Variants in TMEM184A observed in about 807,000 individuals in gnomAD.
TMEM184A encodes the protein sexually dimorphic, expressed in male gonads 1.
A neutral mutation model predicts 39.5 loss-of-function variants in TMEM184A; 40 were observed. That is an observed-to-expected ratio of 1.01 (90% CI 0.79 to 1.32). The LOEUF is 1.32. Among genes scored for constraint, TMEM184A ranks in the 40% most tolerant of loss-of-function variants. TMEM184A has a pLI of 0.00. For missense variants in TMEM184A, 603 were observed against 568.8 expected (o/e 1.06, Z -0.61); for synonymous variants, 280 against 252.3 (o/e 1.11, Z -1.04).
At chr7:1,554,408 C>G (rs1778464565) in intron 2 of TMEM184A, among the ~76,000 whole-genome samples, 1 of 152,208 alleles carries the variant, frequency 6.6e-6, no homozygotes, top group Admixed American at 6.5e-5. Context: ...CCCTCCACAG[C>G]CTTCCTGGGC....
intron 6 of TMEM184A, chr7:1,549,525 C>T (rs1201039786): frequency 2.0e-6 from 1 of 498,892 alleles, no homozygotes; most frequent in South Asian, 1.5e-5. Context: ...GGCGCAGATG[C>T]TGGCACAGAC....
chr7:1,552,556 G>A (rs1784645684), intron 2 of TMEM184A, among the ~76,000 whole-genome samples: 1 of 149,784 alleles, frequency 6.7e-6, no homozygotes, highest in South Asian at 2.1e-4. Context: ...ATGAGTGAGG[G>A]TCCTGTTTGT....
Position 1,556,141 on chromosome 7 carries a change from G to GTCCAGGGAGGCCTGGCC in TMEM184A, c.-45_-29dup, listed in dbSNP as rs1402211972. ...TTGCTGGCAGGAAGCACCTGGCCCA[G>GTCCAGGGAGGCCTGGCC]TCCAGGGAGGCCTGGCCTCCAGGGA... is the stretch of plus-strand genomic sequence containing the variant. On this transcript the variant is annotated 5_prime_UTR_variant, in exon 1 of 9. Transcript: ENST00000297477. The GTCCAGGGAGGCCTGGCC allele has an allele frequency of 6.5e-6, 1 of 152,996 alleles. No homozygotes were observed. Among genetic ancestry groups the GTCCAGGGAGGCCTGGCC allele is most frequent in the African/African-American group, 2.4e-5 (1 of 41,472 alleles). 9.5% of individuals were successfully genotyped at this position (152,996 alleles called of 1,614,324 possible).
chr7:1,550,766 C>A (rs1314991573), intron 3 of TMEM184A, 51 bp downstream of exon 3: 22 of 1,600,846 alleles, frequency 1.4e-5, no homozygotes, highest in Non-Finnish European at 1.8e-5. Flanking sequence ...CACGCAGGCC[C>A]CGGGGAGTCT....
At position 1,551,305 on chromosome 7, in the gene TMEM184A, T is replaced by C. The variant is rs867276806; in HGVS notation, c.220-323A>G. ...GGTTCGGGTGAGAGCCAGGTCCGCC[T>C]GGTACCCCTGCACAAGCCCAGGTGA... On this transcript the variant is annotated intron_variant, in intron 2 of 8. Transcript: ENST00000297477. 2.2e-3 allele frequency among the ~76,000 whole-genome samples: 94 copies of C among 43,404 alleles called. 5 individuals carry two copies. The highest frequency in any genetic ancestry group is 8.8e-3 in the African/African-American group (88 of 9,972). The allele number at this position is 43,404 out of a possible 152,430, so 28.5% of individuals were successfully genotyped here.
At chr7:1,549,668 T>C in intron 6 of TMEM184A, 186 bp downstream of exon 6, 2 of 703,422 alleles carry the variant, frequency 2.8e-6, no homozygotes, top group Non-Finnish European at 2.6e-6. Context: ...ACGCCAGGCC[T>C]GCCTTGTTGG....
chr7:1,555,184 AC>A lies in TMEM184A; in HGVS notation c.219+81del. 8.4e-7 allele frequency: 1 copy of A among 1,196,500 alleles called. No homozygotes were observed. The highest frequency in any genetic ancestry group is 1.2e-6 in the Non-Finnish European group (1 of 865,808). The allele number at this position is 1,196,500 out of a possible 1,614,324, so 74.1% of individuals were successfully genotyped here. ...TTCTGACAGCGTCTATAGCAGCGGC[AC>A]CCAGGGGGACCGGGCTGAGCCACGG... On this transcript the variant is annotated intron_variant, in intron 2 of 8. Transcript: ENST00000297477. This position sits in a 1 kb window ranked among gnomAD's most constrained non-coding sequence, Gnocchi z 5.2.
intron 7 of TMEM184A, 104 bp from the exon 8 acceptor site, chr7:1,548,043 G>T: frequency 7.6e-7 from 1 of 1,308,658 alleles, no homozygotes; most frequent in Non-Finnish European, 1.0e-6. Flanking sequence ...CTGTGACCCC[G>T]TCCGTGTAGT....
intron 6 of TMEM184A, chr7:1,549,174 ATG>A (rs757304944): frequency 1.5e-5 from 7 of 458,386 alleles, no homozygotes; most frequent in African/African-American, 6.0e-5. Context: ...GTGTACATAC[ATG>A]TGTGGTGGTG....
chr7:1,543,046 C>T lies in TMEM184A; in HGVS notation c.*3906G>A, dbSNP rs973945478. 6.6e-6 allele frequency: 1 copy of T among 152,486 alleles called. No homozygotes were observed. The highest frequency in any genetic ancestry group is 1.5e-5 in the Non-Finnish European group (1 of 68,062). 9.4% of individuals were successfully genotyped at this position (152,486 alleles called of 1,614,324 possible). On this transcript the variant is annotated 3_prime_UTR_variant, in exon 9 of 9. Coordinates refer to ENST00000297477, the MANE Select transcript of TMEM184A (RefSeq NM_001097620.2). Reference sequence around the variant, plus strand: ...ATAAAGAATTTTCTGGTTTCAGACCCTTTCGTTGCGTAGCTGGTGCTTTCA... The same window carrying T: ...ATAAAGAATTTTCTGGTTTCAGACCTTTTCGTTGCGTAGCTGGTGCTTTCA...
At position 1,544,254 on chromosome 7, in the gene TMEM184A, G is replaced by A. The variant is rs10273193; in HGVS notation, c.*2698C>T. The stretch of plus-strand genomic sequence containing the variant: ...GGGCTCCTGGAGGCTGCGGACAGAC[G>A]GGGAAGCTGTGAAAGGAGACACCGC... On this transcript the variant is annotated 3_prime_UTR_variant, in exon 9 of 9. Transcript: ENST00000297477. The A allele has an allele frequency of 0.039, 5,909 of 152,290 alleles. 363 individuals carry two copies. Among genetic ancestry groups the A allele is most frequent in the African/African-American group, 0.13 (5,268 of 41,518 alleles). 9.4% of individuals were successfully genotyped at this position (152,290 alleles called of 1,614,324 possible). A position where few individuals can be genotyped will look rare whatever the true frequency, so the allele number is the denominator to read the frequency against.
chr7:1,555,344 C>T lies in TMEM184A; in HGVS notation c.141G>A (p.Trp47Ter). The change falls in exon 2 of 9, where the codon TGG (tryptophan) becomes TGA (stop). Residue 47 changes from tryptophan (W) to a stop codon, truncating the protein, a stop_gained. Transcript: ENST00000297477. LOFTEE classifies it high-confidence loss of function. This position sits in a 1 kb window ranked among gnomAD's most constrained non-coding sequence, Gnocchi z 5.2. ...GGGCCAGTGCGGAGGTGAGGAAGAG[C>T]CAGGGGGCCCCCTGGGAGCTGTTCC... ...HMGNSSQGAP[W>*]LFLTSALARG... 6.2e-7 allele frequency: 1 copy of T among 1,610,326 alleles called. No homozygotes were observed. Among genetic ancestry groups the T allele is most frequent in the Non-Finnish European group, 8.5e-7 (1 of 1,178,654 alleles).
rs1336244209 is a variant in TMEM184A at position 1,546,138 on chromosome 7, A to C, written c.*814T>G. 2 of 152,670 alleles carry C rather than the reference A, an allele frequency of 1.3e-5. No individual in the cohort carries two copies. Among genetic ancestry groups the C allele is most frequent in the African/African-American group, 4.8e-5 (2 of 41,448 alleles). 9.5% of individuals were successfully genotyped at this position (152,670 alleles called of 1,614,324 possible). On this transcript the variant is annotated 3_prime_UTR_variant, in exon 9 of 9. Transcript: ENST00000297477. ...CAGACAGGTGGGACCCCTTTCCCGC[A>C]TGCAGACTCTGAGCAGCAGCCTCCT...
At position 1,547,764 on chromosome 7, in the gene TMEM184A, T is replaced by C; in HGVS notation, c.990A>G (p.Ala330=). 6.2e-7 allele frequency: 1 copy of C among 1,612,690 alleles called. No homozygotes were observed. Among genetic ancestry groups the C allele is most frequent in the South Asian group, 1.1e-5 (1 of 90,986 alleles). ...LRYAFPCQVY[A]EKKENSPAPP... is the part of the protein sequence containing the mutation. ...TACCTGGTGAATTCTCCTTCTTCTC[T>C]GCGTACACCTGGCAGGGGAAGGCAT... Residue 330 remains alanine, a synonymous_variant, in exon 8 of 9, where the codon GCA becomes GCG. Coordinates refer to ENST00000297477, the MANE Select transcript of TMEM184A (RefSeq NM_001097620.2).
intron 7 of TMEM184A, among the ~76,000 whole-genome samples, chr7:1,548,186 C>T (rs1352524522): frequency 6.6e-6 from 1 of 152,224 alleles, no homozygotes; most frequent in Non-Finnish European, 1.5e-5. Context: ...GGGCCCGTGC[C>T]CTGTCTGGTG....
intron 3 of TMEM184A, 112 bp from the exon 4 acceptor site, chr7:1,550,507 C>T: frequency 2.2e-6 from 2 of 906,968 alleles, no homozygotes; most frequent in Non-Finnish European, 3.3e-6. Context: ...GCCCAGCAGG[C>T]CACACAGCAA....
chr7:1,550,202 C>G lies in TMEM184A; in HGVS notation c.477-4G>C, dbSNP rs757170085. 6.2e-7 allele frequency: 1 copy of G among 1,606,582 alleles called. No homozygotes were observed. The highest frequency in any genetic ancestry group is 2.2e-5 in the East Asian group (1 of 44,620). On this transcript the variant is annotated splice_polypyrimidine_tract_variant and splice_region_variant and intron_variant, in intron 4 of 8. Coordinates refer to ENST00000297477, the MANE Select transcript of TMEM184A (RefSeq NM_001097620.2). ...GGTGCCGTACAAGCAGCTGGACCTG[C>G]GGGGGACGTCCCTGAGCCGGTGCGG...
chr7:1,552,582 G>A (rs1784646258), intron 2 of TMEM184A, among the ~76,000 whole-genome samples: 1 of 150,636 alleles, frequency 6.6e-6, no homozygotes, highest in Non-Finnish European at 1.5e-5. Context: ...GCCTGGGAAT[G>A]GGAACGCTCA....
chr7:1,546,820 C>A lies in TMEM184A; in HGVS notation c.*132G>T. 1 of 617,644 alleles carries A rather than the reference C, an allele frequency of 1.6e-6. No homozygotes were observed. Among genetic ancestry groups the A allele is most frequent in the Non-Finnish European group, 2.7e-6 (1 of 372,146 alleles). 38.3% of individuals were successfully genotyped at this position (617,644 alleles called of 1,614,324 possible). A position where few individuals can be genotyped will look rare whatever the true frequency, so the allele number is the denominator to read the frequency against. On this transcript the variant is annotated 3_prime_UTR_variant, in exon 9 of 9. Coordinates refer to ENST00000297477, the MANE Select transcript of TMEM184A (RefSeq NM_001097620.2). ...GGCTGGAGGGAGGATGGGAAGTGGG[C>A]TCCGAGGGCCTCACAGGTGGGCTCT...
Sources: gnomAD v4.1 joint callset for allele counts (sites outside exome capture counted in the v4.1 genomes callset) on GRCh38, gnomAD v4.1.1 for gene constraint, Gnocchi (gnomAD v3.1) non-coding constraint, MANE v1.5 for transcripts, NCBI Gene and HGNC (gene_info 2026-07-23, HGNC 2026-07-21) for gene names.